The following IDH3A variants were observed in gnomAD, a reference collection of about 807,000 sequenced individuals.
IDH3A encodes the protein isocitrate dehydrogenase (NAD(+)) 3 catalytic subunit alpha, also known as isocitrate dehydrogenase [NAD] subunit alpha, mitochondrial.
In IDH3A, 23 loss-of-function variants were observed where a neutral mutation model predicts 43.3. That is an observed-to-expected ratio of 0.53 (90% CI 0.38 to 0.75). IDH3A has a LOEUF of 0.75. Among genes scored for constraint, IDH3A ranks in the 30% least tolerant of loss-of-function variants. IDH3A has a pLI of 0.00. For missense variants in IDH3A, 329 were observed against 474.4 expected (o/e 0.69, Z 2.85); for synonymous variants, 154 against 163.5 (o/e 0.94, Z 0.44).
intron 3 of IDH3A, among the ~76,000 whole-genome samples, 197 bp downstream of exon 3, chr15:78,157,828 T>TTTC (rs2074638519): frequency 6.6e-6 from 1 of 150,904 alleles, no homozygotes; most frequent in South Asian, 2.1e-4. Flanking sequence ...TTCTTTCTTT[T>TTTC]TTTTTTTTTT....
chr15:78,162,375 C>G lies in IDH3A; in HGVS notation c.611+8C>G. ...GCACAAAGCCAACATCATGTGAGCT[C>G]CTTGCGGGGGCCGGCACCCCATCTT... On this transcript the variant is annotated splice_region_variant and intron_variant, in intron 6 of 10. Transcript: ENST00000299518. The G allele has an allele frequency of 6.2e-7, 1 of 1,613,172 alleles. No individual in the cohort carries two copies.
Position 78,158,448 on chromosome 15 carries a change from C to CATATATATATATATATAT in IDH3A, c.174+833_174+834insATATATATATATATATAT, listed in dbSNP as rs1555429599. Among the ~76,000 whole-genome samples, 94 of 28,212 alleles carry CATATATATATATATATAT rather than the reference C, an allele frequency of 3.3e-3. 8 individuals carry two copies. Among genetic ancestry groups the CATATATATATATATATAT allele is most frequent in the Non-Finnish European group, 4.4e-3 (73 of 16,566 alleles). The allele number at this position is 28,212 out of a possible 152,430, so 18.5% of individuals were successfully genotyped here. ...TCATAGGTTATGCAATACATACATA[C>CATATATATATATATATAT]ATATATATATATATATTTTTTTTTT... On this transcript the variant is annotated intron_variant, in intron 3 of 10. Coordinates refer to ENST00000299518, the MANE Select transcript of IDH3A (RefSeq NM_005530.3).
intron 8 of IDH3A, among the ~76,000 whole-genome samples, chr15:78,164,312 C>T (rs1013665708): frequency 2.0e-5 from 3 of 151,174 alleles, no homozygotes; most frequent in African/African-American, 4.9e-5. Flanking sequence ...TCTCCCCCCC[C>T]GACACACACA....
intron 2 of IDH3A, among the ~76,000 whole-genome samples, chr15:78,155,909 C>T (rs1483808265): frequency 2.0e-5 from 3 of 152,180 alleles, no homozygotes; most frequent in East Asian, 1.9e-4. Flanking sequence ...ATCCCCGCCC[C>T]GCCTTTTATG....
At chr15:78,150,597 T>C (rs1410913321) in intron 1 of IDH3A, among the ~76,000 whole-genome samples, 1 of 152,220 alleles carries the variant, frequency 6.6e-6, no homozygotes, top group African/African-American at 2.4e-5. Context: ...ACTAAACATC[T>C]CTAAGCCTTA....
chr15:78,171,589 T>A lies in IDH3A; in HGVS notation c.*2584T>A. On this transcript the variant is annotated 3_prime_UTR_variant, in exon 11 of 11. Transcript: ENST00000299518. The stretch of plus-strand genomic sequence containing the variant: ...AGGCTCTGAGAACTCTGAGAATGTG[T>A]GTGGTAAAGACTCACACTCAGTCCT... 1 of 1,414,034 alleles carries A rather than the reference T, an allele frequency of 7.1e-7. No individual in the cohort carries two copies. Among genetic ancestry groups the A allele is most frequent in the Non-Finnish European group, 1.0e-6 (1 of 999,632 alleles). 87.6% of individuals were successfully genotyped at this position (1,414,034 alleles called of 1,614,324 possible). A position where few individuals can be genotyped will look rare whatever the true frequency, so the allele number is the denominator to read the frequency against.
chr15:78,168,808 GA>G (rs1428935686), intron 10 of IDH3A, 113 bp from the exon 11 acceptor site: 1 of 670,880 alleles, frequency 1.5e-6, no homozygotes, highest in Non-Finnish European at 2.7e-6. Flanking sequence ...GGAACTAAAT[GA>G]AAGAGCAGCC....
intron 10 of IDH3A, chr15:78,168,487 TA>T (rs1314983859): frequency 7.4e-5 from 11 of 148,854 alleles, no homozygotes; most frequent in Middle Eastern, 3.5e-3. Context: ...AGACTCCATC[TA>T]AAAAAAAAAT....
At chr15:78,159,685 C>G (rs1027221416) in intron 3 of IDH3A, among the ~76,000 whole-genome samples, 10 of 152,098 alleles carry the variant, frequency 6.6e-5, no homozygotes, top group Non-Finnish European at 1.2e-4. Flanking sequence ...CTGTTTTTAG[C>G]AGTCACATCC....
chr15:78,165,721 T>G (rs1013945906), intron 9 of IDH3A, among the ~76,000 whole-genome samples: 12 of 149,706 alleles, frequency 8.0e-5, no homozygotes, highest in African/African-American at 3.0e-4. Flanking sequence ...TAGGGCCTTG[T>G]TCTGTCACCC....
Position 78,161,444 on chromosome 15 carries a change from C to G in IDH3A, c.290-137C>G. On this transcript the variant is annotated intron_variant, in intron 4 of 10. Transcript: ENST00000299518. The surrounding 1 kb of genome is among the most constrained non-coding windows in gnomAD (Gnocchi z 4.8). The stretch of plus-strand genomic sequence containing the variant: ...CAGAAAGCTCCCGTGAGGAAGTGTT[C>G]CTCCTTCATTTGAATCTCAGGTAGA... 1 of 645,898 alleles carries G rather than the reference C, an allele frequency of 1.5e-6. No individual in the cohort carries two copies. The highest frequency in any genetic ancestry group is 1.9e-5 in the South Asian group (1 of 51,380). 40.0% of individuals were successfully genotyped at this position (645,898 alleles called of 1,614,324 possible).
intron 10 of IDH3A, among the ~76,000 whole-genome samples, chr15:78,166,780 T>A (rs746723179): frequency 1.3e-5 from 2 of 152,068 alleles, no homozygotes; most frequent in Non-Finnish European, 2.9e-5. Context: ...TACAGGCGTG[T>A]GCCACCACAC....
Position 78,171,190 on chromosome 15 carries a change from C to A in IDH3A, c.*2185C>A. ...CAGCCCTTTCGTTCTGGAAGGAGAG[C>A]TGATCTCATTTGTCACCTGAACAAA... On this transcript the variant is annotated 3_prime_UTR_variant, in exon 11 of 11. Transcript: ENST00000299518. 6.0e-6 allele frequency: 2 copies of A among 335,694 alleles called. No homozygotes were observed. The highest frequency in any genetic ancestry group is 4.2e-5 in the South Asian group (1 of 23,832). The allele number at this position is 335,694 out of a possible 1,614,324, so 20.8% of individuals were successfully genotyped here. A position where few individuals can be genotyped will look rare whatever the true frequency, so the allele number is the denominator to read the frequency against.
intron 3 of IDH3A, among the ~76,000 whole-genome samples, chr15:78,158,714 T>G (rs1168683692): frequency 6.6e-6 from 1 of 151,312 alleles, no homozygotes; most frequent in Non-Finnish European, 1.5e-5. Context: ...TGACCTCAGG[T>G]GATCTGCCCA....
chr15:78,163,435 T>C (rs2074704265), intron 6 of IDH3A, 72 bp from the exon 7 acceptor site: 1 of 1,079,776 alleles, frequency 9.3e-7, no homozygotes, highest in East Asian at 2.4e-5. Flanking sequence ...TGAACTTACT[T>C]TACTTCTTTG....
intron 1 of IDH3A, among the ~76,000 whole-genome samples, chr15:78,154,211 C>A (rs1300202827): frequency 6.7e-6 from 1 of 148,478 alleles, no homozygotes; most frequent in African/African-American, 2.5e-5. Flanking sequence ...AAACACGTAC[C>A]AGTGGTAATA....
intron 3 of IDH3A, among the ~76,000 whole-genome samples, chr15:78,158,828 A>C (rs1269224881): frequency 6.7e-6 from 1 of 149,100 alleles, no homozygotes; most frequent in East Asian, 2.0e-4. Flanking sequence ...TTTATTTTTT[A>C]TTTTTATGTT....
chr15:78,171,144 G>A lies in IDH3A; in HGVS notation c.*2139G>A, dbSNP rs3825847. 0.065 allele frequency: 16,822 copies of A among 257,354 alleles called. 752 individuals are homozygous for A. The highest frequency in any genetic ancestry group is 0.18 in the South Asian group (3,387 of 18,318). The allele number at this position is 257,354 out of a possible 1,614,324, so 15.9% of individuals were successfully genotyped here. A position where few individuals can be genotyped will look rare whatever the true frequency, so the allele number is the denominator to read the frequency against. The stretch of plus-strand genomic sequence containing the variant: ...GAGCTAGCAGCTTTTTAATCTACCT[G>A]GAACTAAGGCCAAAAATTATCAGCC... On this transcript the variant is annotated 3_prime_UTR_variant, in exon 11 of 11. Transcript: ENST00000299518.
intron 1 of IDH3A, among the ~76,000 whole-genome samples, chr15:78,152,921 G>T (rs2074591448): frequency 6.6e-6 from 1 of 151,790 alleles, no homozygotes; most frequent in East Asian, 1.9e-4. Context: ...TTTGATTGTT[G>T]TTTTGTTTTT....
Sources: gnomAD v4.1 joint callset for allele counts (sites outside exome capture counted in the v4.1 genomes callset) on GRCh38, gnomAD v4.1.1 for gene constraint, Gnocchi (gnomAD v3.1) non-coding constraint, MANE v1.5 for transcripts, NCBI Gene and HGNC (gene_info 2026-07-23, HGNC 2026-07-21) for gene names.